IL1RAPL1: variants seen among roughly 807,000 people sequenced by gnomAD.
IL1RAPL1 encodes interleukin 1 receptor accessory protein like 1.
In IL1RAPL1, 3 loss-of-function variants were observed where a neutral mutation model predicts 48.4. That is an observed-to-expected ratio of 0.06 (90% CI 0.03 to 0.16). The LOEUF (loss-of-function observed/expected upper bound fraction) is 0.16, where lower values mean the gene tolerates loss of function less well. Ranked by LOEUF, IL1RAPL1 falls within the 10% of genes least tolerant of loss-of-function variation. IL1RAPL1 has a pLI of 1.00. For synonymous variants in IL1RAPL1, 185 were observed against 187.7 expected (o/e 0.99, Z 0.12); for missense variants, 349 against 530.6 (o/e 0.66, Z 3.36).
intron 5 of IL1RAPL1, among the ~76,000 whole-genome samples, chrX:29,638,248 C>G (rs748461403): frequency 9.2e-6 from 1 of 108,508 alleles, no homozygotes; most frequent in African/African-American, 3.4e-5. Flanking sequence ...ATGTTAACAT[C>G]TGCTGTCAAC....
At chrX:29,873,900 T>G (rs1462456731) in intron 6 of IL1RAPL1, among the ~76,000 whole-genome samples, 1 of 112,161 alleles carries the variant, frequency 8.9e-6, no homozygotes, top group East Asian at 2.8e-4. Flanking sequence ...TATCTGTTAG[T>G]GCCTGTTCAA....
intron 1 of IL1RAPL1, among the ~76,000 whole-genome samples, chrX:28,645,347 CAAAAAAAAAA>C (rs35814453): frequency 1.4e-4 from 4 of 29,054 alleles, no homozygotes; most frequent in Admixed American, 5.7e-4. Flanking sequence ...AATTCCGCCT[CAAAAAAAAAA>C]AAAAAAAAAA....
At chrX:28,814,134 T>C (rs1936827566) in intron 2 of IL1RAPL1, among the ~76,000 whole-genome samples, 1 of 110,620 alleles carries the variant, frequency 9.0e-6, no homozygotes, top group African/African-American at 3.3e-5. Flanking sequence ...GATTGGGAAA[T>C]AAAGCTAGAG....
At chrX:29,589,075 G>T (rs1387398158) in intron 5 of IL1RAPL1, among the ~76,000 whole-genome samples, 1 of 111,464 alleles carries the variant, frequency 9.0e-6, no homozygotes, top group African/African-American at 3.3e-5. Flanking sequence ...TACTAAGTCA[G>T]AACCTGTATT....
chrX:28,696,242 A>G (rs183953751), intron 1 of IL1RAPL1, among the ~76,000 whole-genome samples: 119 of 111,052 alleles, frequency 1.1e-3, no homozygotes, highest in African/African-American at 3.6e-3. Flanking sequence ...CAACAATATC[A>G]AAGTGTGTGT....
At chrX:29,227,082 G>A (rs771811249) in intron 2 of IL1RAPL1, among the ~76,000 whole-genome samples, 9 of 109,239 alleles carry the variant, frequency 8.2e-5, no homozygotes, top group African/African-American at 3.0e-4. Flanking sequence ...ATTTAATGTG[G>A]TAATTTAGAG....
intron 2 of IL1RAPL1, among the ~76,000 whole-genome samples, chrX:29,162,468 T>C (rs1929705316): frequency 9.0e-6 from 1 of 110,844 alleles, no homozygotes; most frequent in South Asian, 3.8e-4. Context: ...GTATTTTTGT[T>C]CATGCAATCA....
At chrX:29,008,427 C>T (rs1374947137) in intron 2 of IL1RAPL1, among the ~76,000 whole-genome samples, 3 of 111,876 alleles carry the variant, frequency 2.7e-5, no homozygotes, top group Admixed American at 9.5e-5. Flanking sequence ...CTGCCCGCCT[C>T]GGCCTCCCAA....
intron 2 of IL1RAPL1, among the ~76,000 whole-genome samples, chrX:29,175,394 A>G (rs1682469373): frequency 8.9e-6 from 1 of 112,282 alleles, no homozygotes; most frequent in Non-Finnish European, 1.9e-5. Context: ...GAGATTAATC[A>G]GTTTATTATT....
intron 6 of IL1RAPL1, among the ~76,000 whole-genome samples, chrX:29,705,135 A>C (rs1429261529): frequency 1.8e-5 from 2 of 111,989 alleles, no homozygotes; most frequent in Non-Finnish European, 3.8e-5. Context: ...TAAAAACCCA[A>C]CTGTAAAGAA....
At chrX:29,350,210 T>C (rs1302026159) in intron 3 of IL1RAPL1, among the ~76,000 whole-genome samples, 2 of 78,388 alleles carry the variant, frequency 2.6e-5, no homozygotes, top group Admixed American at 1.4e-4. Context: ...TATATATATA[T>C]ATATATATAT....
intron 5 of IL1RAPL1, among the ~76,000 whole-genome samples, chrX:29,450,578 A>T (rs756907984): frequency 8.9e-6 from 1 of 112,025 alleles, no homozygotes; most frequent in African/African-American, 3.2e-5. Context: ...TTTCATATAG[A>T]GGGATAGCTT....
At chrX:29,874,422 G>A (rs962003927) in intron 6 of IL1RAPL1, among the ~76,000 whole-genome samples, 2 of 111,939 alleles carry the variant, frequency 1.8e-5, no homozygotes, top group Admixed American at 1.9e-4. Context: ...AATTAATGGA[G>A]TACTCTAAGC....
intron 2 of IL1RAPL1, among the ~76,000 whole-genome samples, chrX:28,879,223 G>A (rs1039355379): frequency 9.0e-6 from 1 of 111,303 alleles, no homozygotes; most frequent in African/African-American, 3.3e-5. Context: ...AGTGCCTTGA[G>A]TTATACAATG....
At chrX:28,871,698 C>T (rs142852080) in intron 2 of IL1RAPL1, among the ~76,000 whole-genome samples, 2,261 of 111,635 alleles carry the variant, frequency 0.02, 18 homozygotes, top group Non-Finnish European at 0.033. Flanking sequence ...AGGGTAGGGT[C>T]CAGGAATGTA....
At chrX:29,103,524 G>T (rs1928387676) in intron 2 of IL1RAPL1, among the ~76,000 whole-genome samples, 1 of 111,634 alleles carries the variant, frequency 9.0e-6, no homozygotes, top group South Asian at 3.7e-4. Context: ...ACTACCAGAA[G>T]AAAACACTGG....
intron 2 of IL1RAPL1, among the ~76,000 whole-genome samples, chrX:29,154,480 CAGT>C (rs1000331755): frequency 3.7e-4 from 40 of 109,287 alleles, no homozygotes; most frequent in Non-Finnish European, 5.7e-5. Context: ...GCGGAGGTTG[CAGT>C]GAGCCAAGAT....
At chrX:29,267,112 C>G (rs1699967455) in intron 2 of IL1RAPL1, among the ~76,000 whole-genome samples, 1 of 112,082 alleles carries the variant, frequency 8.9e-6, no homozygotes, top group African/African-American at 3.2e-5. Flanking sequence ...CCAAACCACT[C>G]TTTTCCACAG....
intron 6 of IL1RAPL1, among the ~76,000 whole-genome samples, chrX:29,678,228 A>G (rs1156829079): frequency 9.1e-6 from 1 of 109,799 alleles, no homozygotes; most frequent in Non-Finnish European, 1.9e-5. Flanking sequence ...AACATGCCAG[A>G]TATTTACATG....
Sources: allele counts gnomAD v4.1 joint callset (sites outside exome capture counted in the v4.1 genomes callset), GRCh38; gene constraint gnomAD v4.1.1; transcripts MANE v1.5; gene names NCBI Gene and HGNC (gene_info 2026-07-23, HGNC 2026-07-21).